The following BMPR1B variants were observed in gnomAD, a reference collection of about 807,000 sequenced individuals.
BMPR1B encodes the protein bone morphogenetic protein receptor type 1B.
BMPR1B carries 12 observed loss-of-function variants against 59.1 expected under a neutral mutation model. The ratio of observed to expected loss-of-function variants is 0.20; its 90% CI spans 0.13 to 0.33. The LOEUF (loss-of-function observed/expected upper bound fraction) is 0.33, where lower values mean the gene tolerates loss of function less well. Among genes scored for constraint, BMPR1B ranks in the 10% least tolerant of loss-of-function variants. The pLI, the probability that BMPR1B is intolerant of heterozygous loss-of-function variation, is 1.00. For missense variants in BMPR1B, 550 were observed against 610.9 expected (o/e 0.90, Z 1.05); for synonymous variants, 237 against 207.3 (o/e 1.14, Z -1.23).
At chr4:94,956,321 C>T (rs1051208302) in intron 2 of BMPR1B, among the ~76,000 whole-genome samples, 2 of 152,022 alleles carry the variant, frequency 1.3e-5, no homozygotes, top group East Asian at 1.9e-4. Context: ...CCTCCCACCT[C>T]GGTCTCCCAA....
intron 9 of BMPR1B, among the ~76,000 whole-genome samples, chr4:95,130,456 G>C (rs2149300482): frequency 6.6e-6 from 1 of 152,278 alleles, no homozygotes; most frequent in African/African-American, 2.4e-5. Context: ...TGTTTCGCAA[G>C]TTAGAAATGA....
At chr4:94,790,895 G>A (rs1472964) in intron 1 of BMPR1B, among the ~76,000 whole-genome samples, 47,020 of 152,006 alleles carry the variant, frequency 0.31, 7,964 homozygotes, top group African/African-American at 0.44. Flanking sequence ...TTCTTAATTG[G>A]TATTCTTACG....
chr4:94,932,710 G>A (rs905888406), intron 2 of BMPR1B, among the ~76,000 whole-genome samples: 6 of 152,060 alleles, frequency 3.9e-5, no homozygotes, highest in Admixed American at 1.3e-4. Flanking sequence ...ACATCACACA[G>A]ATAAATAGAC....
intron 1 of BMPR1B, among the ~76,000 whole-genome samples, chr4:94,786,765 T>C (rs573266995): frequency 1.7e-4 from 26 of 152,130 alleles, no homozygotes; most frequent in African/African-American, 4.8e-4. Context: ...AGGATAGTCT[T>C]GATCTCCTGA....
chr4:95,121,280 C>A (rs773175273), intron 6 of BMPR1B, among the ~76,000 whole-genome samples: 20 of 152,164 alleles, frequency 1.3e-4, no homozygotes, highest in Non-Finnish European at 2.6e-4. Context: ...AAATCAGAGA[C>A]AACACAAATG....
At chr4:94,959,066 A>G (rs1730262225) in intron 2 of BMPR1B, among the ~76,000 whole-genome samples, 1 of 152,160 alleles carries the variant, frequency 6.6e-6, no homozygotes, top group Non-Finnish European at 1.5e-5. Context: ...AAGGGAGACC[A>G]GATTTTAGGG....
chr4:94,912,910 C>A (rs1728340908), intron 2 of BMPR1B, among the ~76,000 whole-genome samples: 1 of 151,956 alleles, frequency 6.6e-6, no homozygotes, highest in African/African-American at 2.4e-5. Context: ...TGGATTCATT[C>A]TTTCATGTAC....
chr4:94,944,809 A>T (rs1248121064), intron 2 of BMPR1B, among the ~76,000 whole-genome samples: 1 of 152,226 alleles, frequency 6.6e-6, no homozygotes. Flanking sequence ...CTGTATACCT[A>T]CATTGACTGG....
intron 3 of BMPR1B, among the ~76,000 whole-genome samples, chr4:95,101,946 C>T (rs1350433957): frequency 1.3e-5 from 2 of 152,066 alleles, no homozygotes; most frequent in African/African-American, 4.8e-5. Context: ...CCCTTTTTCT[C>T]TTATTATAGT....
chr4:94,868,172 CTT>C (rs1198090327), intron 1 of BMPR1B, among the ~76,000 whole-genome samples: 4 of 148,384 alleles, frequency 2.7e-5, no homozygotes, highest in Non-Finnish European at 4.5e-5. Context: ...CTTACTTCTT[CTT>C]TTTTTTTCTT....
intron 1 of BMPR1B, among the ~76,000 whole-genome samples, chr4:94,799,158 T>C (rs7673420): frequency 0.78 from 113,638 of 146,052 alleles, 44,199 homozygotes; most frequent in Middle Eastern, 0.81. Flanking sequence ...CTCCCCCTCA[T>C]TCATACTAGA....
At chr4:94,935,731 A>G (rs1252873564) in intron 2 of BMPR1B, among the ~76,000 whole-genome samples, 9 of 152,212 alleles carry the variant, frequency 5.9e-5, no homozygotes, top group African/African-American at 2.2e-4. Context: ...AGTTATTGCC[A>G]GCCACTTTAC....
chr4:95,137,427 G>A (rs563997984), intron 10 of BMPR1B, among the ~76,000 whole-genome samples: 2 of 152,254 alleles, frequency 1.3e-5, no homozygotes, highest in South Asian at 4.1e-4. Context: ...TATTAGGTCT[G>A]CTTGGTGCAG....
intron 3 of BMPR1B, among the ~76,000 whole-genome samples, chr4:95,015,703 T>A (rs1723537126): frequency 6.6e-6 from 1 of 151,882 alleles, no homozygotes. Flanking sequence ...CATCATTTTT[T>A]TTTTTTTTGA....
chr4:95,147,412 T>A (rs2149323975), intron 10 of BMPR1B, among the ~76,000 whole-genome samples: 1 of 152,340 alleles, frequency 6.6e-6, no homozygotes, highest in Admixed American at 6.5e-5. Flanking sequence ...CAGAGGTTTT[T>A]GATTTTTGTT....
intron 1 of BMPR1B, among the ~76,000 whole-genome samples, chr4:94,795,170 T>G (rs1275268323): frequency 0.013 from 1,667 of 128,630 alleles, 3 homozygotes; most frequent in African/African-American, 0.023. Context: ...CATAGATAGC[T>G]CTTATTATTT....
At chr4:94,950,989 T>G (rs978344255) in intron 2 of BMPR1B, among the ~76,000 whole-genome samples, 2 of 152,178 alleles carry the variant, frequency 1.3e-5, no homozygotes, top group Admixed American at 1.3e-4. Context: ...CTTGAAGGGG[T>G]CCTTCCCATC....
intron 10 of BMPR1B, among the ~76,000 whole-genome samples, chr4:95,134,979 G>T (rs1467388098): frequency 6.6e-6 from 1 of 152,184 alleles, no homozygotes; most frequent in Non-Finnish European, 1.5e-5. Flanking sequence ...TTCTTCTGTG[G>T]TTTTTATGGT....
At chr4:95,020,949 C>T (rs1723941185) in intron 3 of BMPR1B, among the ~76,000 whole-genome samples, 2 of 152,148 alleles carry the variant, frequency 1.3e-5, no homozygotes, top group South Asian at 2.1e-4. Context: ...CTCCTGGCCT[C>T]AAGTGATCCT....
Sources: gnomAD v4.1 joint callset for allele counts (sites outside exome capture counted in the v4.1 genomes callset) on GRCh38, gnomAD v4.1.1 for gene constraint, MANE v1.5 for transcripts, NCBI Gene and HGNC (gene_info 2026-07-23, HGNC 2026-07-21) for gene names.